KAZN: variants seen among roughly 807,000 people sequenced by gnomAD.
KAZN encodes kazrin.
In KAZN, 40 loss-of-function variants were observed where a neutral mutation model predicts 87.4. The observed-to-expected ratio is 0.46, with a 90% confidence interval of 0.36 to 0.60. The LOEUF (loss-of-function observed/expected upper bound fraction) is 0.60. Ranked by LOEUF, KAZN falls within the 20% of genes least tolerant of loss-of-function variation. KAZN has a pLI of 0.00. For missense variants in KAZN, 898 were observed against 1,073.9 expected (o/e 0.84, Z 2.29); for synonymous variants, 466 against 458.3 (o/e 1.02, Z -0.22).
intron 1 of KAZN, among the ~76,000 whole-genome samples, chr1:14,126,396 A>G (rs1644869735): frequency 7.1e-6 from 1 of 141,560 alleles, no homozygotes. Flanking sequence ...TTACATTTTA[A>G]GACGAAGAAA....
intron 3 of KAZN, 110 bp from the exon 4 acceptor site, chr1:15,043,879 G>GT: frequency 6.3e-6 from 7 of 1,110,916 alleles, no homozygotes; most frequent in Non-Finnish European, 7.5e-6. Context: ...TCCTGACCTC[G>GT]TGACCCCACT....
intron 1 of KAZN, among the ~76,000 whole-genome samples, chr1:14,921,656 G>T (rs1181606994): frequency 6.6e-6 from 1 of 152,220 alleles, no homozygotes; most frequent in Non-Finnish European, 1.5e-5. Flanking sequence ...AGTGACAGGA[G>T]CTACATACTC....
intron 1 of KAZN, among the ~76,000 whole-genome samples, chr1:14,710,069 A>G (rs1173487320): frequency 1.3e-5 from 2 of 152,164 alleles, no homozygotes. Flanking sequence ...CTTCAAAGAG[A>G]ACGTGCTGGA....
intron 2 of KAZN, among the ~76,000 whole-genome samples, chr1:14,419,752 C>G (rs1047005484): frequency 6.6e-6 from 1 of 151,852 alleles, no homozygotes; most frequent in South Asian, 2.1e-4. Context: ...ACTCTTAAGG[C>G]GGTGCGTCTG....
chr1:14,502,601 G>A (rs934618316), intron 2 of KAZN, among the ~76,000 whole-genome samples: 3 of 151,948 alleles, frequency 2.0e-5, no homozygotes, highest in Admixed American at 1.3e-4. Context: ...TCTGGCAAAC[G>A]GTCAGTTTAA....
chr1:15,015,235 C>G (rs10927628), intron 2 of KAZN, among the ~76,000 whole-genome samples: 23 of 151,666 alleles, frequency 1.5e-4, no homozygotes, highest in Non-Finnish European at 3.1e-4. Context: ...TCACTGCAAC[C>G]TCTGCCTCCC....
At chr1:14,720,487 T>C (rs1292948599) in intron 1 of KAZN, among the ~76,000 whole-genome samples, 1 of 152,184 alleles carries the variant, frequency 6.6e-6, no homozygotes, top group Non-Finnish European at 1.5e-5. Context: ...AGGAATAAAT[T>C]TAATTTAGGG....
At chr1:14,395,816 A>G (rs886342127) in intron 2 of KAZN, among the ~76,000 whole-genome samples, 3 of 152,152 alleles carry the variant, frequency 2.0e-5, no homozygotes, top group Admixed American at 2.0e-4. Context: ...ACCAAACAGG[A>G]GTGGCACTGA....
chr1:14,714,339 T>C (rs1224385665), intron 1 of KAZN, among the ~76,000 whole-genome samples: 3 of 152,114 alleles, frequency 2.0e-5, no homozygotes, highest in Non-Finnish European at 4.4e-5. Flanking sequence ...ATTAGCTGGA[T>C]AATTGGCTCT....
intron 1 of KAZN, among the ~76,000 whole-genome samples, chr1:14,803,621 G>T (rs1646111129): frequency 6.6e-6 from 1 of 152,242 alleles, no homozygotes; most frequent in Non-Finnish European, 1.5e-5. Context: ...CTCTCCAACA[G>T]AAATTAGGCA....
At chr1:15,024,208 G>T (rs971049523) in intron 2 of KAZN, among the ~76,000 whole-genome samples, 4 of 152,134 alleles carry the variant, frequency 2.6e-5, no homozygotes, top group Non-Finnish European at 4.4e-5. Flanking sequence ...AGAAATGAGA[G>T]GAAACCAGGA....
At chr1:14,242,997 T>C (rs976561868) in intron 2 of KAZN, among the ~76,000 whole-genome samples, 1 of 152,160 alleles carries the variant, frequency 6.6e-6, no homozygotes, top group Admixed American at 6.5e-5. Flanking sequence ...AAAATGAAGA[T>C]TAAGTGAGAG....
At chr1:14,310,255 A>G (rs553725459) in intron 2 of KAZN, among the ~76,000 whole-genome samples, 1 of 152,332 alleles carries the variant, frequency 6.6e-6, no homozygotes, top group South Asian at 2.1e-4. Flanking sequence ...AATGAGGTGC[A>G]AAAAAGGAAG....
At chr1:14,433,012 G>A (rs1666167064) in intron 2 of KAZN, among the ~76,000 whole-genome samples, 1 of 151,310 alleles carries the variant, frequency 6.6e-6, no homozygotes, top group Non-Finnish European at 1.5e-5. Flanking sequence ...AGGTGGTTGT[G>A]CACACACACA....
In KAZN at chr1:14,852,150, G is replaced by A. The variant is rs369613157; in HGVS notation, c.227-108534G>A. Among the ~76,000 whole-genome samples, 7 of 152,192 alleles carry A rather than the reference G, an allele frequency of 4.6e-5. No homozygotes were observed. The East Asian group carries it at 5.8e-4, about 13-fold the overall frequency. ...CCTGGATCTCCTTCTCCTTCTCTGC[G>A]TCCCTATCTCCCCTCCCCTACCATC... On this transcript the variant is annotated intron_variant, in intron 1 of 14. Coordinates refer to ENST00000376030, the MANE Select transcript of KAZN (RefSeq NM_201628.3).
chr1:14,201,259 C>G (rs531667160), intron 2 of KAZN, among the ~76,000 whole-genome samples: 1 of 152,158 alleles, frequency 6.6e-6, no homozygotes, highest in East Asian at 1.9e-4. Flanking sequence ...TCTTCTTTTC[C>G]TCCACCTCTT....
At chr1:14,241,043 G>A (rs755398644) in intron 2 of KAZN, among the ~76,000 whole-genome samples, 135 of 152,228 alleles carry the variant, frequency 8.9e-4, no homozygotes, top group Non-Finnish European at 1.6e-3. Context: ...TCTAAGGTAG[G>A]TATGAAAATT....
At chr1:14,596,158 C>T (rs560496709), upstream of KAZN, among the ~76,000 whole-genome samples, 14 of 152,324 alleles carry the variant, frequency 9.2e-5, no homozygotes, top group African/African-American at 2.9e-4. Context: ...GCGGCAAGGA[C>T]GCAAAGATGA....
chr1:14,460,402 A>T (rs1667795849), intron 2 of KAZN, among the ~76,000 whole-genome samples: 1 of 152,190 alleles, frequency 6.6e-6, no homozygotes, highest in South Asian at 2.1e-4. Context: ...CGGGAGCTTG[A>T]GCAAGGCGGT....
Sources: allele counts gnomAD v4.1 joint callset (sites outside exome capture counted in the v4.1 genomes callset), GRCh38; gene constraint gnomAD v4.1.1; transcripts MANE v1.5; gene names NCBI Gene and HGNC (gene_info 2026-07-23, HGNC 2026-07-21).